Variants in TAFA2 observed in about 807,000 individuals in gnomAD.
The protein encoded by TAFA2 is TAFA chemokine like family member 2.
In TAFA2, 7 loss-of-function variants were observed where a neutral mutation model predicts 18.8. That is an observed-to-expected ratio of 0.37 (90% CI 0.21 to 0.70). The LOEUF (loss-of-function observed/expected upper bound fraction) is 0.70. TAFA2 is among the 30% of genes least tolerant of loss of function. The pLI is 0.53. For synonymous variants in TAFA2, 60 were observed against 54.2 expected, an observed-to-expected ratio of 1.11 and a Z score of -0.47; for missense variants, 122 against 158.1, an observed-to-expected ratio of 0.77 and a Z score of 1.23.
intron 1 of TAFA2, among the ~76,000 whole-genome samples, chr12:62,219,480 T>G (rs1410099541): frequency 1.3e-5 from 2 of 152,158 alleles, no homozygotes; most frequent in Non-Finnish European, 2.9e-5. Flanking sequence ...ACCTGAATTT[T>G]TGTATACCAA....
At chr12:61,971,354 T>A (rs1170264986) in intron 1 of TAFA2, among the ~76,000 whole-genome samples, 1 of 151,694 alleles carries the variant, frequency 6.6e-6, no homozygotes, top group Non-Finnish European at 1.5e-5. Flanking sequence ...TATTTAATAA[T>A]GATCCATAGC....
intron 2 of TAFA2, among the ~76,000 whole-genome samples, chr12:61,826,765 C>T (rs1872549213): frequency 6.6e-6 from 1 of 152,090 alleles, no homozygotes; most frequent in South Asian, 2.1e-4. Context: ...CTGTCTCTCT[C>T]TCTCTCTCTC....
chr12:61,920,682 C>T (rs955859737), intron 1 of TAFA2, among the ~76,000 whole-genome samples: 1 of 152,052 alleles, frequency 6.6e-6, no homozygotes, highest in Non-Finnish European at 1.5e-5. Context: ...CTGTTTTTTG[C>T]TTGTTAACCT....
intron 1 of TAFA2, among the ~76,000 whole-genome samples, chr12:62,250,445 GTTTT>G (rs1303479096): frequency 6.6e-6 from 1 of 151,828 alleles, no homozygotes; most frequent in Non-Finnish European, 1.5e-5. Flanking sequence ...TGTATGACTT[GTTTT>G]ATTTTTATTG....
intron 1 of TAFA2, among the ~76,000 whole-genome samples, chr12:61,893,306 T>C (rs1257016910): frequency 6.6e-6 from 1 of 152,018 alleles, no homozygotes; most frequent in East Asian, 1.9e-4. Context: ...GGGAGGAAAG[T>C]AGGAGGAACA....
At chr12:61,946,277 C>T (rs899503995) in intron 1 of TAFA2, among the ~76,000 whole-genome samples, 63 of 150,960 alleles carry the variant, frequency 4.2e-4, no homozygotes, top group African/African-American at 1.5e-3. Context: ...AAACTGGATC[C>T]CTTCCTTACA....
chr12:62,227,367 G>T (rs1251852341), intron 1 of TAFA2, among the ~76,000 whole-genome samples: 1 of 152,212 alleles, frequency 6.6e-6, no homozygotes, highest in African/African-American at 2.4e-5. Context: ...ATACACTAAA[G>T]TGTCTGGCTG....
At chr12:61,940,567 C>T (rs1052944917) in intron 1 of TAFA2, among the ~76,000 whole-genome samples, 1 of 152,218 alleles carries the variant, frequency 6.6e-6, no homozygotes, top group Non-Finnish European at 1.5e-5. Flanking sequence ...GTAACAATCA[C>T]ATAGATTACA....
At chr12:62,015,785 G>A (rs1234827787) in intron 1 of TAFA2, among the ~76,000 whole-genome samples, 1 of 152,174 alleles carries the variant, frequency 6.6e-6, no homozygotes, top group East Asian at 1.9e-4. Context: ...AAAGAAGATG[G>A]TAGGCCTCAA....
intron 1 of TAFA2, among the ~76,000 whole-genome samples, chr12:62,179,911 A>T (rs1249214858): frequency 6.6e-6 from 1 of 152,084 alleles, no homozygotes; most frequent in African/African-American, 2.4e-5. Flanking sequence ...TTTTTCTCTC[A>T]GTTCACTCCG....
At chr12:61,855,448 A>C (rs1224369370) in intron 2 of TAFA2, among the ~76,000 whole-genome samples, 2 of 152,158 alleles carry the variant, frequency 1.3e-5, no homozygotes, top group African/African-American at 4.8e-5. Flanking sequence ...GAAGAATCTT[A>C]AACTATTAAG....
Position 62,134,577 on chromosome 12 carries a change from C to G in TAFA2, c.-2+56682G>C, listed in dbSNP as rs548457200. The stretch of plus-strand genomic sequence containing the variant: ...GTCTACAGTAGTTTGTTAGCCCAAG[C>G]TGAGAAAGACAACTGATAGATATCA... On this transcript the variant is annotated intron_variant, in intron 1 of 4. Coordinates refer to ENST00000416284, the MANE Select transcript of TAFA2 (RefSeq NM_178539.5). 2.6e-5 allele frequency among the ~76,000 whole-genome samples: 4 copies of G among 152,106 alleles called. No individual in the cohort carries two copies. The South Asian group carries it at 8.3e-4, about 32-fold the overall frequency.
intron 1 of TAFA2, among the ~76,000 whole-genome samples, chr12:62,087,527 G>C (rs1438693842): frequency 6.6e-6 from 1 of 152,102 alleles, no homozygotes; most frequent in Non-Finnish European, 1.5e-5. Flanking sequence ...AGAGAGTATA[G>C]CAAATGCAAA....
At chr12:61,998,754 A>C (rs1225395006) in intron 1 of TAFA2, among the ~76,000 whole-genome samples, 3 of 152,192 alleles carry the variant, frequency 2.0e-5, no homozygotes, top group Non-Finnish European at 2.9e-5. Flanking sequence ...AAAAACAAAA[A>C]TAGAAGAAAC....
chr12:62,212,724 C>G (rs1242833523), intron 1 of TAFA2, among the ~76,000 whole-genome samples: 1 of 152,148 alleles, frequency 6.6e-6, no homozygotes, highest in Non-Finnish European at 1.5e-5. Context: ...TTGAAAAATC[C>G]TCTTTTTTAT....
At chr12:61,829,913 G>A (rs1188863450) in intron 2 of TAFA2, among the ~76,000 whole-genome samples, 1 of 151,566 alleles carries the variant, frequency 6.6e-6, no homozygotes, top group Non-Finnish European at 1.5e-5. Context: ...TCTATTTAGT[G>A]GACAGTAAGC....
chr12:61,808,253 G>A (rs1833917792), intron 2 of TAFA2, among the ~76,000 whole-genome samples: 1 of 151,518 alleles, frequency 6.6e-6, no homozygotes, highest in Non-Finnish European at 1.5e-5. Flanking sequence ...GAGTTTCCCT[G>A]CACAAGCTCT....
chr12:61,741,591 G>A (rs1868451894), intron 4 of TAFA2, among the ~76,000 whole-genome samples: 2 of 152,008 alleles, frequency 1.3e-5, no homozygotes, highest in Admixed American at 6.6e-5. Flanking sequence ...GTATCATTGA[G>A]TGTTAGAAGA....
At chr12:62,016,871 T>G (rs562134302) in intron 1 of TAFA2, among the ~76,000 whole-genome samples, 48 of 152,176 alleles carry the variant, frequency 3.2e-4, no homozygotes, top group Non-Finnish European at 5.3e-4. Context: ...GAGCTCATAA[T>G]AGGAAGACTA....
Sources: allele counts gnomAD v4.1 joint callset (sites outside exome capture counted in the v4.1 genomes callset), GRCh38; gene constraint gnomAD v4.1.1; transcripts MANE v1.5; gene names NCBI Gene and HGNC (gene_info 2026-07-23, HGNC 2026-07-21).